GRID2: variants seen among roughly 807,000 people sequenced by gnomAD.
GRID2 encodes glutamate receptor ionotropic, delta-2.
Under a neutral mutation model 114.8 loss-of-function variants are expected in GRID2, and 33 were observed. The ratio of observed to expected loss-of-function variants is 0.29; its 90% CI spans 0.22 to 0.38. The LOEUF (loss-of-function observed/expected upper bound fraction) is 0.38, where lower values mean the gene tolerates loss of function less well. Among genes scored for constraint, GRID2 ranks in the 10% least tolerant of loss-of-function variants. GRID2 has a pLI of 1.00. For synonymous variants in GRID2, 505 were observed against 449.9 expected (o/e 1.12, Z -1.55); for missense variants, 1,184 against 1,257.7 (o/e 0.94, Z 0.89).
intron 13 of GRID2, among the ~76,000 whole-genome samples, chr4:93,595,053 C>T (rs879738301): frequency 5.3e-5 from 8 of 152,176 alleles, no homozygotes; most frequent in Admixed American, 5.2e-4. Flanking sequence ...CAGAGCTGTT[C>T]CTATTCAGCC....
chr4:93,432,953 C>T (rs369032281), intron 10 of GRID2, among the ~76,000 whole-genome samples: 3 of 151,980 alleles, frequency 2.0e-5, no homozygotes, highest in East Asian at 1.9e-4. Flanking sequence ...GGCTCTAGTC[C>T]GAGCTGTTGA....
intron 2 of GRID2, among the ~76,000 whole-genome samples, chr4:93,017,625 A>G (rs1722876250): frequency 6.6e-6 from 1 of 151,782 alleles, no homozygotes; most frequent in African/African-American, 2.4e-5. Context: ...GACCAACACA[A>G]TGAAGCCCTG....
intron 4 of GRID2, among the ~76,000 whole-genome samples, chr4:93,188,137 C>T (rs546172093): frequency 6.6e-6 from 1 of 152,350 alleles, no homozygotes; most frequent in East Asian, 1.9e-4. Flanking sequence ...ACCCCCAGAG[C>T]TTCACCAGAC....
intron 13 of GRID2, among the ~76,000 whole-genome samples, chr4:93,591,816 T>G (rs1026914342): frequency 2.1e-4 from 32 of 152,238 alleles, no homozygotes; most frequent in South Asian, 4.1e-4. Flanking sequence ...TTTATCCATT[T>G]CTTCTAGATT....
chr4:92,380,745 G>A (rs778864155), intron 1 of GRID2, among the ~76,000 whole-genome samples: 3 of 151,926 alleles, frequency 2.0e-5, no homozygotes, highest in East Asian at 1.9e-4. Context: ...GGCTAACAGC[G>A]TTAGTTCACT....
At chr4:92,996,570 C>T (rs184403572) in intron 2 of GRID2, among the ~76,000 whole-genome samples, 1 of 152,244 alleles carries the variant, frequency 6.6e-6, no homozygotes, top group Admixed American at 6.5e-5. Context: ...TTACTGATGT[C>T]TTCAGGAGAT....
At chr4:93,218,919 T>C (rs974386051) in intron 6 of GRID2, among the ~76,000 whole-genome samples, 2 of 152,180 alleles carry the variant, frequency 1.3e-5, no homozygotes, top group African/African-American at 2.4e-5. Context: ...CCATCAGATC[T>C]TGTGAAAACT....
chr4:93,742,343 A>G (rs1296298893), intron 14 of GRID2, among the ~76,000 whole-genome samples: 1 of 152,172 alleles, frequency 6.6e-6, no homozygotes, highest in Non-Finnish European at 1.5e-5. Context: ...CATCTGTGAG[A>G]CTGATATATT....
At chr4:93,184,494 C>G (rs563001623) in intron 4 of GRID2, among the ~76,000 whole-genome samples, 31 of 142,318 alleles carry the variant, frequency 2.2e-4, no homozygotes, top group African/African-American at 8.2e-4. Context: ...TTCACTTTAG[C>G]CATATTATTT....
At chr4:92,794,662 A>G (rs1739763869) in intron 2 of GRID2, among the ~76,000 whole-genome samples, 1 of 151,538 alleles carries the variant, frequency 6.6e-6, no homozygotes, top group African/African-American at 2.4e-5. Context: ...GGTGAGTGAA[A>G]AAAGAAAAGT....
intron 11 of GRID2, among the ~76,000 whole-genome samples, chr4:93,488,543 T>G (rs78323098): frequency 2.6e-5 from 4 of 151,982 alleles, no homozygotes; most frequent in Non-Finnish European, 4.4e-5. Context: ...TAGAACTACA[T>G]GAAAGTAGTA....
chr4:93,756,172 A>G (rs1157323414), intron 14 of GRID2, among the ~76,000 whole-genome samples: 1 of 152,236 alleles, frequency 6.6e-6, no homozygotes, highest in African/African-American at 2.4e-5. Flanking sequence ...AGAAGCATAC[A>G]TTCTAAAGCT....
At chr4:93,323,791 T>G (rs1055402185) in intron 8 of GRID2, among the ~76,000 whole-genome samples, 4 of 152,174 alleles carry the variant, frequency 2.6e-5, no homozygotes, top group Non-Finnish European at 4.4e-5. Context: ...TCCTAGGTAT[T>G]TTATTCTCTT....
chr4:93,710,830 T>C (rs1418347045), intron 14 of GRID2, among the ~76,000 whole-genome samples: 1 of 152,036 alleles, frequency 6.6e-6, no homozygotes, highest in Non-Finnish European at 1.5e-5. Flanking sequence ...TCTCCTTTCC[T>C]CAAGCAAAAA....
intron 9 of GRID2, among the ~76,000 whole-genome samples, chr4:93,417,287 T>G (rs1767813552): frequency 6.6e-6 from 1 of 152,122 alleles, no homozygotes; most frequent in Admixed American, 6.6e-5. Context: ...CTCTTAAAAT[T>G]ACTTTCTTAC....
intron 2 of GRID2, among the ~76,000 whole-genome samples, chr4:92,901,521 G>A (rs1747582987): frequency 6.6e-6 from 1 of 151,940 alleles, no homozygotes; most frequent in Non-Finnish European, 1.5e-5. Context: ...GTTTTGTTTT[G>A]GTTTCATATG....
Position 93,200,206 on chromosome 4 carries a change from A to G in GRID2, c.736-7198A>G, listed in dbSNP as rs192991435. Among the ~76,000 whole-genome samples, 567 of 152,312 alleles carry G rather than the reference A, an allele frequency of 3.7e-3. 4 individuals are homozygous for G. Among genetic ancestry groups the G allele is most frequent in the African/African-American group, 0.013 (530 of 41,566 alleles). Reference sequence around the variant, plus strand: ...AGAACATTGTGGTTTTATTTTGTCTATTTTGTTTTTAAATAGGGATAAAAA... The same window carrying G: ...AGAACATTGTGGTTTTATTTTGTCTGTTTTGTTTTTAAATAGGGATAAAAA... On this transcript the variant is annotated intron_variant, in intron 4 of 15. Coordinates refer to ENST00000282020, the MANE Select transcript of GRID2 (RefSeq NM_001510.4).
chr4:93,459,830 T>C (rs1723570419), intron 11 of GRID2, among the ~76,000 whole-genome samples: 1 of 152,198 alleles, frequency 6.6e-6, no homozygotes, highest in African/African-American at 2.4e-5. Flanking sequence ...TCACATTCTC[T>C]ATTCCAGCTG....
chr4:92,644,096 G>T (rs1731495978), intron 2 of GRID2, among the ~76,000 whole-genome samples: 1 of 151,534 alleles, frequency 6.6e-6, no homozygotes, highest in Non-Finnish European at 1.5e-5. Context: ...AACAGATTGT[G>T]TTGCTTATAA....
Sources: allele counts gnomAD v4.1 joint callset (sites outside exome capture counted in the v4.1 genomes callset), GRCh38; gene constraint gnomAD v4.1.1; transcripts MANE v1.5; gene names NCBI Gene and HGNC (gene_info 2026-07-23, HGNC 2026-07-21).